Variants in KIAA0825 observed in about 807,000 individuals in gnomAD.
KIAA0825 encodes KIAA0825.
KIAA0825 carries 119 observed loss-of-function variants against 147.6 expected under a neutral mutation model. That is an observed-to-expected ratio of 0.81 (90% confidence interval 0.69 to 0.94). The LOEUF (loss-of-function observed/expected upper bound fraction) is 0.94. Ranked by LOEUF, KIAA0825 falls within the 40% of genes least tolerant of loss-of-function variation. KIAA0825 has a pLI of 0.00. For missense variants in KIAA0825, 1,381 were observed against 1,472.7 expected, an observed-to-expected ratio of 0.94 and a Z score of 1.02; for synonymous variants, 470 against 518.1, an observed-to-expected ratio of 0.91 and a Z score of 1.26.
At chr5:94,614,751 A>G (rs140367181) in intron 1 of KIAA0825, among the ~76,000 whole-genome samples, 83 of 152,222 alleles carry the variant, frequency 5.5e-4, no homozygotes, top group African/African-American at 2.0e-3. Flanking sequence ...TTTGTGTTCA[A>G]TGATGTATGT....
At chr5:94,266,733 A>C (rs1210796569) in intron 20 of KIAA0825, among the ~76,000 whole-genome samples, 2 of 152,218 alleles carry the variant, frequency 1.3e-5, no homozygotes, top group Non-Finnish European at 2.9e-5. Context: ...TTCGGGAAAT[A>C]CAGTTTTTTT....
At chr5:94,182,626 C>A (rs1294037757) in intron 20 of KIAA0825, among the ~76,000 whole-genome samples, 3 of 151,936 alleles carry the variant, frequency 2.0e-5, no homozygotes, top group African/African-American at 7.3e-5. Context: ...TCCTTCTTCC[C>A]CTAAGCAAGT....
intron 2 of KIAA0825, among the ~76,000 whole-genome samples, chr5:94,540,082 C>A (rs889715284): frequency 1.3e-5 from 2 of 152,160 alleles, no homozygotes; most frequent in African/African-American, 4.8e-5. Context: ...TCTGGTCTCC[C>A]TGAACTCTTC....
intron 20 of KIAA0825, among the ~76,000 whole-genome samples, chr5:94,348,616 GA>G (rs112820643): frequency 7.5e-4 from 114 of 152,166 alleles, no homozygotes; most frequent in African/African-American, 2.6e-3. Flanking sequence ...GAAAATGGGT[GA>G]AAAAAGGCAT....
intron 5 of KIAA0825, among the ~76,000 whole-genome samples, chr5:94,500,773 T>G (rs1764979129): frequency 6.6e-6 from 1 of 152,146 alleles, no homozygotes; most frequent in South Asian, 2.1e-4. Flanking sequence ...TTCATCTTAT[T>G]TCATTACTAT....
intron 20 of KIAA0825, among the ~76,000 whole-genome samples, chr5:94,208,821 C>G (rs547077624): frequency 1.3e-5 from 2 of 152,278 alleles, no homozygotes; most frequent in South Asian, 4.1e-4. Context: ...TTAGACAGTG[C>G]TGGAAAGAAG....
intron 14 of KIAA0825, among the ~76,000 whole-genome samples, chr5:94,430,158 G>T (rs1239463664): frequency 6.6e-6 from 1 of 152,194 alleles, no homozygotes; most frequent in African/African-American, 2.4e-5. Context: ...GGGTCCCCTT[G>T]CACCAGAATC....
At chr5:94,225,599 T>C (rs892808195) in intron 20 of KIAA0825, among the ~76,000 whole-genome samples, 1 of 152,188 alleles carries the variant, frequency 6.6e-6, no homozygotes, top group Admixed American at 6.5e-5. Flanking sequence ...CTTTCTACTA[T>C]ATAAGGATAC....
chr5:94,524,027 G>T lies in KIAA0825; in HGVS notation c.203C>A (p.Thr68Lys). The change falls in exon 4 of 21, where the codon ACA (threonine) becomes AAA (lysine). Residue 68 changes from threonine to lysine, a missense_variant. Transcript: ENST00000682413. ...KQCPGVQLQTTTDCFEWLTNY... is the reference protein window; with the variant it reads ...KQCPGVQLQTKTDCFEWLTNY... ...AGTTAGCCATTCAAAGCAGTCAGTT[G>T]TTGTTTGCAGCTGCACACCTGGACA... 1 of 1,609,844 alleles carries T rather than the reference G, an allele frequency of 6.2e-7. No homozygotes were observed.
intron 1 of KIAA0825, among the ~76,000 whole-genome samples, chr5:94,612,694 G>A (rs1223508874): frequency 1.3e-5 from 2 of 151,908 alleles, no homozygotes; most frequent in Non-Finnish European, 2.9e-5. Context: ...GGCCTATGAA[G>A]ACATCATCAT....
intron 5 of KIAA0825, among the ~76,000 whole-genome samples, chr5:94,518,416 CCCA>C (rs1225678833): frequency 2.6e-5 from 4 of 152,114 alleles, no homozygotes; most frequent in Non-Finnish European, 4.4e-5. Context: ...CTGCAGACAG[CCCA>C]CTTGAACAGT....
chr5:94,224,216 C>A (rs1162274303), intron 20 of KIAA0825, among the ~76,000 whole-genome samples: 1 of 150,474 alleles, frequency 6.6e-6, no homozygotes, highest in South Asian at 2.1e-4. Flanking sequence ...CCTGCTTCAG[C>A]CTCCTGAGTA....
At chr5:94,211,182 T>C (rs1707939908) in intron 20 of KIAA0825, among the ~76,000 whole-genome samples, 1 of 152,168 alleles carries the variant, frequency 6.6e-6, no homozygotes, top group Non-Finnish European at 1.5e-5. Context: ...TGATATACAG[T>C]TTAGAAACAC....
At chr5:94,253,825 C>A (rs1175307294) in intron 20 of KIAA0825, among the ~76,000 whole-genome samples, 1 of 152,138 alleles carries the variant, frequency 6.6e-6, no homozygotes, top group Non-Finnish European at 1.5e-5. Flanking sequence ...CAAAAGATAT[C>A]ATCAATCCCA....
chr5:94,387,110 A>G (rs1562445663), intron 18 of KIAA0825, among the ~76,000 whole-genome samples: 1 of 152,204 alleles, frequency 6.6e-6, no homozygotes, highest in Non-Finnish European at 1.5e-5. Context: ...AAATGACTAA[A>G]AGTCCCCATC....
At chr5:94,391,496 T>G in intron 18 of KIAA0825, 39 bp downstream of exon 18, 1 of 1,550,620 alleles carries the variant, frequency 6.4e-7, no homozygotes, top group Non-Finnish European at 8.7e-7. Flanking sequence ...CTCAGGCCAG[T>G]ACACACCTAA....
intron 14 of KIAA0825, among the ~76,000 whole-genome samples, chr5:94,432,158 C>T (rs1010125858): frequency 6.6e-6 from 1 of 152,112 alleles, no homozygotes; most frequent in Non-Finnish European, 1.5e-5. Flanking sequence ...AATTCTTTTG[C>T]CTTCTATAGC....
chr5:94,395,716 A>G (rs1157074122), intron 17 of KIAA0825, among the ~76,000 whole-genome samples: 3 of 152,076 alleles, frequency 2.0e-5, no homozygotes, highest in Non-Finnish European at 4.4e-5. Context: ...TATATCCGTT[A>G]ATTCCTTCTT....
chr5:94,291,896 G>T (rs1216554920), intron 20 of KIAA0825, among the ~76,000 whole-genome samples: 1 of 152,138 alleles, frequency 6.6e-6, no homozygotes, highest in Non-Finnish European at 1.5e-5. Context: ...GTTCACTCAT[G>T]ATTTGGCTCT....
Sources: allele counts gnomAD v4.1 joint callset (sites outside exome capture counted in the v4.1 genomes callset), GRCh38; gene constraint gnomAD v4.1.1; transcripts MANE v1.5; gene names NCBI Gene and HGNC (gene_info 2026-07-23, HGNC 2026-07-21).